PLEKHA6: variants seen among roughly 807,000 people sequenced by gnomAD.
PLEKHA6 encodes the protein pleckstrin homology domain-containing family A member 6.
A neutral mutation model predicts 116.7 loss-of-function variants in PLEKHA6; 60 were observed. That is an observed-to-expected ratio of 0.51 (90% confidence interval 0.42 to 0.64). The LOEUF is 0.64. PLEKHA6 is among the 30% of genes least tolerant of loss of function. The pLI is 0.00. For synonymous variants in PLEKHA6, 489 were observed against 556.1 expected (o/e 0.88, Z 1.70); for missense variants, 1,338 against 1,422.7 (o/e 0.94, Z 0.96).
At chr1:204,263,285 C>T (rs1339523847) in intron 6 of PLEKHA6, among the ~76,000 whole-genome samples, 1 of 152,204 alleles carries the variant, frequency 6.6e-6, no homozygotes, top group Non-Finnish European at 1.5e-5. Flanking sequence ...ATTGAGGGAG[C>T]TGTCCCAGCG....
chr1:204,240,693 T>C (rs959457670), intron 17 of PLEKHA6, among the ~76,000 whole-genome samples: 16 of 152,174 alleles, frequency 1.1e-4, no homozygotes, highest in African/African-American at 3.4e-4. Flanking sequence ...TTGAAGATTA[T>C]GTATGATCTC....
intron 17 of PLEKHA6, among the ~76,000 whole-genome samples, chr1:204,234,248 A>G (rs990533249): frequency 6.6e-6 from 1 of 152,200 alleles, no homozygotes; most frequent in African/African-American, 2.4e-5. Flanking sequence ...AACCCAAGGA[A>G]TGCCAAGAGT....
chr1:204,267,368 G>T (rs1206196536), intron 5 of PLEKHA6, 107 bp downstream of exon 5: 13 of 879,250 alleles, frequency 1.5e-5, no homozygotes, highest in Non-Finnish European at 2.5e-5. Context: ...GAGGAGATCT[G>T]CCCTGCTGGT....
chr1:204,241,850 T>C (rs1398955089), intron 15 of PLEKHA6, 36 bp from the exon 16 acceptor site: 4 of 1,612,372 alleles, frequency 2.5e-6, no homozygotes, highest in Non-Finnish European at 3.4e-6. Flanking sequence ...TTGATGTTAG[T>C]ATGGCTGTCA....
intron 9 of PLEKHA6, among the ~76,000 whole-genome samples, chr1:204,255,884 G>C (rs1009859759): frequency 1.3e-5 from 2 of 152,204 alleles, no homozygotes; most frequent in Non-Finnish European, 2.9e-5. Flanking sequence ...GGACACTCCA[G>C]GAGAGGAGGG....
In PLEKHA6 at chr1:204,261,393, T is replaced by G. The variant is rs1478749372; in HGVS notation, c.437A>C (p.Gln146Pro). ...YFFSAESPEEQEAWIQAMGEA... is the reference protein window; with the variant it reads ...YFFSAESPEEPEAWIQAMGEA... The stretch of plus-strand genomic sequence containing the variant: ...CCCCATGGCCTGGATCCAGGCCTCT[T>G]GCTCCTCGGGGCTCTCGGCACTGAA... The change falls in exon 7 of 23, where the codon CAA becomes CCA. Residue 146 changes from glutamine (Q) to proline (P), a missense_variant. By Grantham distance (76) the Gln-to-Pro change is moderately conservative. Around this residue, in one of 3 missense-constraint regions of PLEKHA6, gnomAD observed 140 missense variants for 197.4 expected, o/e 0.71. Coordinates refer to ENST00000272203, the MANE Select transcript of PLEKHA6 (RefSeq NM_014935.5). The surrounding 1 kb of genome is among the most constrained non-coding windows in gnomAD (Gnocchi z 4.0). 1 of 1,614,046 alleles carries G rather than the reference T, an allele frequency of 6.2e-7. No individual in the cohort carries two copies. Among genetic ancestry groups the G allele is most frequent in the Non-Finnish European group, 8.5e-7 (1 of 1,179,950 alleles).
chr1:204,335,823 C>T (rs1205978120), intron 1 of PLEKHA6, among the ~76,000 whole-genome samples: 3 of 152,168 alleles, frequency 2.0e-5, no homozygotes, highest in African/African-American at 7.2e-5. Context: ...CAGGGCACAT[C>T]TGTACCTGTC....
At chr1:204,322,558 G>A (rs770255728) in intron 1 of PLEKHA6, among the ~76,000 whole-genome samples, 2 of 152,196 alleles carry the variant, frequency 1.3e-5, no homozygotes, top group Non-Finnish European at 2.9e-5. Context: ...GAAACTGGCT[G>A]CTTAGCCGGT....
At chr1:204,368,766 A>G (rs1673717404) in intron 2 of PLEKHA6, 1 of 152,342 alleles carries the variant, frequency 6.6e-6, no homozygotes, top group South Asian at 2.1e-4. Context: ...GCTGGCTGAG[A>G]ACATTCCTTT....
At chr1:204,341,171 T>C (rs1672833254) in intron 1 of PLEKHA6, among the ~76,000 whole-genome samples, 2 of 152,210 alleles carry the variant, frequency 1.3e-5, no homozygotes, top group South Asian at 4.1e-4. Flanking sequence ...AGGAATCCTC[T>C]TGGATCAGGA....
At chr1:204,322,397 T>A (rs1312816393) in intron 1 of PLEKHA6, among the ~76,000 whole-genome samples, 1 of 152,244 alleles carries the variant, frequency 6.6e-6, no homozygotes, top group Non-Finnish European at 1.5e-5. Flanking sequence ...GGAAGTTCTC[T>A]GTGCCCTTGC....
At chr1:204,315,601 C>T (rs1671828947) in intron 1 of PLEKHA6, among the ~76,000 whole-genome samples, 1 of 152,140 alleles carries the variant, frequency 6.6e-6, no homozygotes, top group Non-Finnish European at 1.5e-5. Context: ...CAGAAAACCC[C>T]CTCCGCCGTG....
At chr1:204,326,094 C>T (rs1672232759) in intron 1 of PLEKHA6, 1 of 159,652 alleles carries the variant, frequency 6.3e-6, no homozygotes, top group Non-Finnish European at 1.3e-5. Context: ...CTTTGTGAGG[C>T]AGGCTCTGAG....
At position 204,230,461 on chromosome 1, in the gene PLEKHA6, G is replaced by C. The variant is rs758261781; in HGVS notation, c.2535C>G (p.Leu845=). 4 of 1,582,370 alleles carry C rather than the reference G, an allele frequency of 2.5e-6. No individual in the cohort carries two copies. The East Asian group carries it at 9.1e-5, about 36-fold the overall frequency. ...SMREKRRSLQ[L]PASPAPDPSP... Reference sequence around the variant, plus strand: ...TGGGGTCGGGGGCCGGGCTGGCCGGGAGCTGCAGGCTCCTCCGCTTCTCCC... The same window carrying C: ...TGGGGTCGGGGGCCGGGCTGGCCGGCAGCTGCAGGCTCCTCCGCTTCTCCC... Residue 845 remains leucine, a synonymous_variant, in exon 18 of 23, where the codon CTC becomes CTG. Coordinates refer to ENST00000272203, the MANE Select transcript of PLEKHA6 (RefSeq NM_014935.5).
intron 13 of PLEKHA6, 103 bp from the exon 14 acceptor site, chr1:204,245,829 G>A: frequency 2.8e-6 from 2 of 725,002 alleles, no homozygotes; most frequent in Non-Finnish European, 2.4e-6. Context: ...TGGGCCAGCA[G>A]GAGGCAGGCA....
chr1:204,365,363 T>C (rs1673628959), intron 3 of PLEKHA6, among the ~76,000 whole-genome samples: 1 of 152,116 alleles, frequency 6.6e-6, no homozygotes, highest in Non-Finnish European at 1.5e-5. Flanking sequence ...TCTACAATAA[T>C]GGAAGTGAGA....
chr1:204,256,817 C>A, intron 9 of PLEKHA6: 1 of 652,112 alleles, frequency 1.5e-6, no homozygotes, highest in South Asian at 1.7e-5. Context: ...TATCGTGGAC[C>A]GTGGGGGATG....
At chr1:204,276,241 C>A (rs1249946660) in intron 1 of PLEKHA6, among the ~76,000 whole-genome samples, 1 of 152,190 alleles carries the variant, frequency 6.6e-6, no homozygotes, top group African/African-American at 2.4e-5. Flanking sequence ...GGCTTCGCAG[C>A]CCAGGCTTGC....
Position 204,359,713 on chromosome 1 carries a change from C to T in PLEKHA6, c.-114G>A. ...ACTCACCGGCTTCTGAGGTGTGATC[C>T]CCGCGCTGGAAAGCTCTAACTCTGC... On this transcript the variant is annotated 5_prime_UTR_variant, in exon 1 of 23. Transcript: ENST00000272203. 3 of 977,994 alleles carry T rather than the reference C, an allele frequency of 3.1e-6. No individual in the cohort carries two copies. Among genetic ancestry groups the T allele is most frequent in the Non-Finnish European group, 3.6e-6 (3 of 823,152 alleles). 60.6% of individuals were successfully genotyped at this position (977,994 alleles called of 1,614,324 possible). A position where few individuals can be genotyped will look rare whatever the true frequency, so the allele number is the denominator to read the frequency against.
Sources: allele counts gnomAD v4.1 joint callset (sites outside exome capture counted in the v4.1 genomes callset), GRCh38; gene constraint gnomAD v4.1.1; regional missense constraint gnomAD v4.1.1; non-coding constraint Gnocchi (gnomAD v3.1); transcripts MANE v1.5; gene names NCBI Gene and HGNC (gene_info 2026-07-23, HGNC 2026-07-21).